MED12L: variants seen among roughly 807,000 people sequenced by gnomAD.
MED12L encodes the protein mediator complex subunit 12L.
MED12L carries 60 observed loss-of-function variants against 281.3 expected under a neutral mutation model. The ratio of observed to expected loss-of-function variants is 0.21; its 90% CI spans 0.17 to 0.26. The LOEUF (loss-of-function observed/expected upper bound fraction) is 0.26. MED12L is among the 10% of genes least tolerant of loss of function. The pLI is 1.00. For synonymous variants in MED12L, 974 were observed against 987.2 expected (o/e 0.99, Z 0.25); for missense variants, 2,146 against 2,680.9 (o/e 0.80, Z 4.41).
At chr3:151,426,829 T>G (rs1239261716) in intron 43 of MED12L, among the ~76,000 whole-genome samples, 9 of 152,002 alleles carry the variant, frequency 5.9e-5, no homozygotes. Flanking sequence ...ACTTTTTTTT[T>G]TTTTTTGAGA....
intron 16 of MED12L, chr3:151,198,381 T>C (rs749151730): frequency 2.9e-6 from 4 of 1,386,452 alleles, no homozygotes; most frequent in Non-Finnish European, 2.9e-6. Flanking sequence ...TAATTAACTT[T>C]ATGGTCCAGT....
At chr3:151,217,453 G>A (rs984253533) in intron 16 of MED12L, among the ~76,000 whole-genome samples, 1 of 152,186 alleles carries the variant, frequency 6.6e-6, no homozygotes, top group South Asian at 2.1e-4. Context: ...ACTTTGAGTT[G>A]GATGGAAGGG....
intron 6 of MED12L, among the ~76,000 whole-genome samples, chr3:151,156,610 C>T (rs1560102651): frequency 6.6e-6 from 1 of 152,098 alleles, no homozygotes. Context: ...CCTTCTAAAC[C>T]TTTTATTTTG....
intron 26 of MED12L, 119 bp downstream of exon 26, chr3:151,369,668 T>C (rs138653745): frequency 4.8e-6 from 3 of 619,970 alleles, no homozygotes; most frequent in African/African-American, 1.8e-5. Flanking sequence ...TGATCGCTTA[T>C]TCTCCTGGAA....
intron 16 of MED12L, among the ~76,000 whole-genome samples, chr3:151,224,474 C>T (rs1278559188): frequency 6.6e-6 from 1 of 150,936 alleles, no homozygotes; most frequent in Admixed American, 6.6e-5. Flanking sequence ...TCAATGTGAT[C>T]GCCTATGCGG....
intron 43 of MED12L, among the ~76,000 whole-genome samples, chr3:151,429,357 C>T (rs1279601990): frequency 6.6e-6 from 1 of 152,116 alleles, no homozygotes. Context: ...GGTGAGCACA[C>T]GGAGAGTGGG....
At chr3:151,315,220 C>T (rs554184603) in intron 16 of MED12L, among the ~76,000 whole-genome samples, 9 of 152,034 alleles carry the variant, frequency 5.9e-5, no homozygotes, top group Non-Finnish European at 1.2e-4. Flanking sequence ...AAGAGCTAAG[C>T]GTGAAATATT....
chr3:151,427,061 G>A (rs565573568), intron 43 of MED12L, among the ~76,000 whole-genome samples: 31 of 152,184 alleles, frequency 2.0e-4, no homozygotes, highest in Admixed American at 3.3e-4. Context: ...CAAGCTGTCT[G>A]CTCGCCTTGG....
intron 17 of MED12L, among the ~76,000 whole-genome samples, chr3:151,351,548 T>A (rs1389903177): frequency 6.6e-6 from 1 of 152,216 alleles, no homozygotes; most frequent in Non-Finnish European, 1.5e-5. Context: ...AAACTGTTTA[T>A]CTGTTGTTTT....
chr3:151,367,356 A>G (rs953896062), intron 23 of MED12L, among the ~76,000 whole-genome samples: 2 of 152,162 alleles, frequency 1.3e-5, no homozygotes, highest in African/African-American at 4.8e-5. Flanking sequence ...TACATCTTGT[A>G]GTGATTTCCT....
At chr3:151,368,099 C>G in intron 24 of MED12L, 51 bp from the exon 25 acceptor site, 1 of 1,416,972 alleles carries the variant, frequency 7.1e-7, no homozygotes, top group Middle Eastern at 1.8e-4. Context: ...ACCTGAAGGA[C>G]TTGTTCCCAA....
intron 39 of MED12L, among the ~76,000 whole-genome samples, chr3:151,404,329 G>A (rs1024446905): frequency 6.6e-6 from 1 of 152,190 alleles, no homozygotes; most frequent in African/African-American, 2.4e-5. Context: ...TGTATGGGAT[G>A]TGTTTGTTTT....
At chr3:151,151,485 T>C (rs997950995) in intron 5 of MED12L, among the ~76,000 whole-genome samples, 1 of 151,464 alleles carries the variant, frequency 6.6e-6, no homozygotes, top group South Asian at 2.1e-4. Context: ...TGATTTACAG[T>C]GAGATGTGCG....
At chr3:151,249,525 A>G (rs947081501) in intron 16 of MED12L, among the ~76,000 whole-genome samples, 1 of 152,136 alleles carries the variant, frequency 6.6e-6, no homozygotes, top group African/African-American at 2.4e-5. Context: ...AGATATTGAA[A>G]GGACCCCAAG....
intron 2 of MED12L, among the ~76,000 whole-genome samples, chr3:151,089,676 G>C (rs539532486): frequency 6.6e-6 from 1 of 151,994 alleles, no homozygotes; most frequent in East Asian, 1.9e-4. Flanking sequence ...AGAAGTATGG[G>C]GGTGGGGCGG....
At chr3:151,293,668 C>T (rs1744619907) in intron 16 of MED12L, among the ~76,000 whole-genome samples, 1 of 146,482 alleles carries the variant, frequency 6.8e-6, no homozygotes, top group Non-Finnish European at 1.5e-5. Context: ...CACACACACA[C>T]ACACACACAC....
intron 5 of MED12L, among the ~76,000 whole-genome samples, chr3:151,153,207 C>T (rs1718795765): frequency 6.6e-6 from 1 of 152,188 alleles, no homozygotes; most frequent in South Asian, 2.1e-4. Context: ...CCTTCCAGGT[C>T]AGCCTTCTGT....
At chr3:151,296,907 T>TCTGTTTTGTCTG in intron 16 of MED12L, among the ~76,000 whole-genome samples, 1 of 152,258 alleles carries the variant, frequency 6.6e-6, no homozygotes, top group East Asian at 1.9e-4. Flanking sequence ...CACAGGCAGT[T>TCTGTTTTGTCTG]TAGTGTCTGT....
At chr3:151,118,988 C>G (rs972322318) in intron 3 of MED12L, among the ~76,000 whole-genome samples, 1 of 152,098 alleles carries the variant, frequency 6.6e-6, no homozygotes, top group African/African-American at 2.4e-5. Flanking sequence ...TGCCCGGCCT[C>G]AGAGCCTTAC....
Sources: gnomAD v4.1 joint callset for allele counts (sites outside exome capture counted in the v4.1 genomes callset) on GRCh38, gnomAD v4.1.1 for gene constraint, MANE v1.5 for transcripts, NCBI Gene and HGNC (gene_info 2026-07-23, HGNC 2026-07-21) for gene names.